Variants in OCA2 observed in about 807,000 individuals in gnomAD.
The protein encoded by OCA2 is P protein.
In OCA2, 77 loss-of-function variants were observed where a neutral mutation model predicts 100.2. The observed-to-expected ratio is 0.77, with a 90% CI of 0.64 to 0.93. The LOEUF (loss-of-function observed/expected upper bound fraction) is 0.93, where lower values mean the gene tolerates loss of function less well. Among genes scored for constraint, OCA2 ranks in the 40% least tolerant of loss-of-function variants. The pLI is 0.00. For missense variants in OCA2, 1,062 were observed against 1,089.1 expected, an observed-to-expected ratio of 0.98 and a Z score of 0.35; for synonymous variants, 432 against 439.2, an observed-to-expected ratio of 0.98 and a Z score of 0.21.
intron 9 of OCA2, among the ~76,000 whole-genome samples, chr15:28,010,545 T>C (rs1197349541): frequency 1.3e-5 from 2 of 152,052 alleles, no homozygotes; most frequent in Non-Finnish European, 2.9e-5. Flanking sequence ...CACAGAAAAA[T>C]GTATTTATAT....
intron 23 of OCA2, among the ~76,000 whole-genome samples, chr15:27,772,016 C>T (rs1227715690): frequency 6.6e-6 from 1 of 152,156 alleles, no homozygotes; most frequent in South Asian, 2.1e-4. Flanking sequence ...AGACATTATT[C>T]CCAAGCACAG....
chr15:27,775,063 CGT>C (rs66465683), intron 23 of OCA2, among the ~76,000 whole-genome samples: 47,326 of 142,758 alleles, frequency 0.33, 8,294 homozygotes, highest in Middle Eastern at 0.51. Context: ...TTTTAGAACT[CGT>C]GTGTGTGTGT....
At chr15:27,929,679 CTGT>C (rs1299254654) in intron 18 of OCA2, among the ~76,000 whole-genome samples, 21 of 151,928 alleles carry the variant, frequency 1.4e-4, no homozygotes, top group African/African-American at 4.8e-4. Context: ...TCAAAGGGCA[CTGT>C]TAAGTTAAAG....
At chr15:28,077,621 A>G (rs1271220124) in intron 2 of OCA2, among the ~76,000 whole-genome samples, 1 of 152,188 alleles carries the variant, frequency 6.6e-6, no homozygotes, top group Non-Finnish European at 1.5e-5. Context: ...TGCTTTCTCC[A>G]TATGTCTTTG....
At chr15:28,017,612 CATA>C (rs1252537820) in intron 7 of OCA2, among the ~76,000 whole-genome samples, 1 of 152,190 alleles carries the variant, frequency 6.6e-6, no homozygotes, top group Non-Finnish European at 1.5e-5. Flanking sequence ...CATGCTAGTT[CATA>C]ATGAGACCTT....
intron 9 of OCA2, among the ~76,000 whole-genome samples, chr15:28,009,370 C>T (rs962918851): frequency 3.3e-5 from 5 of 152,156 alleles, no homozygotes; most frequent in East Asian, 1.9e-4. Flanking sequence ...TCAAGATAGA[C>T]CATAAACCTG....
the OCA2 span, among the ~76,000 whole-genome samples, chr15:27,721,981 C>T: frequency 6.6e-6 from 1 of 152,186 alleles, no homozygotes; most frequent in Non-Finnish European, 1.5e-5. Context: ...TTGATGGAGA[C>T]ACATTTGTAT....
chr15:27,752,003 C>T (rs2030080078), downstream of OCA2, among the ~76,000 whole-genome samples: 1 of 152,230 alleles, frequency 6.6e-6, no homozygotes, highest in Non-Finnish European at 1.5e-5. Flanking sequence ...ATTTACAAGA[C>T]TGGGCCCCAG....
chr15:27,894,178 G>T (rs2037587788), intron 19 of OCA2, among the ~76,000 whole-genome samples: 1 of 152,072 alleles, frequency 6.6e-6, no homozygotes, highest in Admixed American at 6.6e-5. Flanking sequence ...AAATATTGGG[G>T]GCAGGTTCCC....
At chr15:27,776,974 T>TGGGGGGGGGGG (rs368182175) in intron 23 of OCA2, among the ~76,000 whole-genome samples, 1 of 43,194 alleles carries the variant, frequency 2.3e-5, no homozygotes, top group Non-Finnish European at 7.2e-5. Context: ...GAGCGTGAGG[T>TGGGGGGGGGGG]GGGGGGGGGT....
chr15:28,058,634 C>T (rs369837154), intron 2 of OCA2, among the ~76,000 whole-genome samples: 1 of 152,158 alleles, frequency 6.6e-6, no homozygotes, highest in Non-Finnish European at 1.5e-5. Context: ...AACATGATGT[C>T]GACTTCTCTA....
chr15:27,844,857 TA>T (rs1375990965), intron 23 of OCA2, 101 bp downstream of exon 23: 4 of 884,270 alleles, frequency 4.5e-6, no homozygotes, highest in East Asian at 2.6e-5. Flanking sequence ...CTCTACTTGC[TA>T]AAAATATGCT....
intron 23 of OCA2, among the ~76,000 whole-genome samples, chr15:27,776,974 T>TGGGGGGGGGGGGGGG (rs368182175): frequency 2.3e-5 from 1 of 43,168 alleles, no homozygotes; most frequent in African/African-American, 5.8e-5. Flanking sequence ...GAGCGTGAGG[T>TGGGGGGGGGGGGGGG]GGGGGGGGGT....
At chr15:28,044,890 C>T (rs1225170487) in intron 2 of OCA2, among the ~76,000 whole-genome samples, 1 of 152,042 alleles carries the variant, frequency 6.6e-6, no homozygotes, top group Non-Finnish European at 1.5e-5. Context: ...TGTATTTAAC[C>T]TATCTCCATA....
chr15:27,897,526 T>C (rs1396208702), intron 19 of OCA2, among the ~76,000 whole-genome samples: 1 of 152,150 alleles, frequency 6.6e-6, no homozygotes, highest in African/African-American at 2.4e-5. Context: ...AGCCTGCAGG[T>C]GCATGGAAGT....
At chr15:27,826,640 C>A (rs1392543343) in intron 23 of OCA2, among the ~76,000 whole-genome samples, 1 of 152,240 alleles carries the variant, frequency 6.6e-6, no homozygotes, top group Non-Finnish European at 1.5e-5. Context: ...TCAGGCCCAG[C>A]TCCACATTCC....
At chr15:27,892,213 G>T (rs1364871260) in intron 19 of OCA2, among the ~76,000 whole-genome samples, 1 of 151,658 alleles carries the variant, frequency 6.6e-6, no homozygotes, top group Non-Finnish European at 1.5e-5. Context: ...GAACCAAAGG[G>T]ATTTAATACA....
intron 2 of OCA2, among the ~76,000 whole-genome samples, chr15:28,053,736 T>G (rs2043590694): frequency 6.6e-6 from 1 of 152,214 alleles, no homozygotes; most frequent in Non-Finnish European, 1.5e-5. Flanking sequence ...CTCTCTGCTC[T>G]TGCAACTAGC....
chr15:28,020,683 A>C (rs1218989309), intron 6 of OCA2, among the ~76,000 whole-genome samples: 1 of 152,230 alleles, frequency 6.6e-6, no homozygotes, highest in Non-Finnish European at 1.5e-5. Flanking sequence ...ACATGGAGAT[A>C]CTTTACAGCT....
Sources: allele counts gnomAD v4.1 joint callset (sites outside exome capture counted in the v4.1 genomes callset), GRCh38; gene constraint gnomAD v4.1.1; transcripts MANE v1.5; gene names NCBI Gene and HGNC (gene_info 2026-07-23, HGNC 2026-07-21).